GNAZ: variants seen among roughly 807,000 people sequenced by gnomAD.
GNAZ encodes the protein G protein subunit alpha z.
A neutral mutation model predicts 25.4 loss-of-function variants in GNAZ; 3 were observed. That is an observed-to-expected ratio of 0.12 (90% CI 0.05 to 0.30). The LOEUF is 0.30. GNAZ is among the 10% of genes least tolerant of loss of function. GNAZ has a pLI of 1.00. For missense variants in GNAZ, 241 were observed against 501.8 expected, an observed-to-expected ratio of 0.48 and a Z score of 4.97; for synonymous variants, 211 against 205.7, an observed-to-expected ratio of 1.03 and a Z score of -0.22.
At chr22:23,115,831 T>C (rs1344762908) in intron 2 of GNAZ, among the ~76,000 whole-genome samples, 1 of 152,258 alleles carries the variant, frequency 6.6e-6, no homozygotes, top group Non-Finnish European at 1.5e-5. Context: ...CAGGAAATTC[T>C]GTTCAAGTTT....
rs371067217 is a variant in GNAZ at position 23,092,617 on chromosome 22, C to T, written c.-449-2630C>T. ...TCCTTGCACATTGCCCTGTCGTTGC[C>T]GGCGCACACTGATCGAAGACTGCAT... On this transcript the variant is annotated intron_variant, in intron 1 of 2. Transcript: ENST00000615612. Among the ~76,000 whole-genome samples, 10 of 152,286 alleles carry T rather than the reference C, an allele frequency of 6.6e-5. No individual in the cohort carries two copies. In the East Asian group the frequency reaches 1.2e-3, roughly 18 times the overall value.
rs187053543 is a variant in GNAZ, at chr22:23,112,699, C to T, written c.724-10388C>T. 2.0e-3 allele frequency among the ~76,000 whole-genome samples: 304 copies of T among 152,272 alleles called. 1 individual carries two copies. The highest frequency in any genetic ancestry group is 6.9e-3 in the African/African-American group (285 of 41,540). On this transcript the variant is annotated intron_variant, in intron 2 of 2. Transcript: ENST00000615612. The stretch of plus-strand genomic sequence containing the variant: ...GAATGGCAAGTGCTCAAGGTAAGCA[C>T]GATGCAGCTGCGACCTGTAGACTGG...
chr22:23,101,645 G>A (rs1247476972), intron 2 of GNAZ, among the ~76,000 whole-genome samples: 3 of 152,222 alleles, frequency 2.0e-5, no homozygotes, highest in Non-Finnish European at 4.4e-5. Context: ...GGTCTCCCAA[G>A]CAGTTCCTTC....
At chr22:23,093,489 A>C (rs981552166) in intron 1 of GNAZ, among the ~76,000 whole-genome samples, 1 of 152,188 alleles carries the variant, frequency 6.6e-6, no homozygotes, top group Non-Finnish European at 1.5e-5. Flanking sequence ...GGCAGCACAC[A>C]AGGTCATGTA....
intron 2 of GNAZ, among the ~76,000 whole-genome samples, chr22:23,103,485 C>T (rs901318744): frequency 6.6e-6 from 1 of 152,028 alleles, no homozygotes; most frequent in Non-Finnish European, 1.5e-5. Context: ...CAGTGACTCC[C>T]AGCTCTGACC....
chr22:23,122,778 G>A (rs77264287), intron 2 of GNAZ: 5 of 405,754 alleles, frequency 1.2e-5, no homozygotes, highest in South Asian at 4.2e-5. Flanking sequence ...GGTTTAGGAG[G>A]CTGTGCTTGG....
intron 2 of GNAZ, chr22:23,122,377 C>T (rs2070056066): frequency 6.5e-6 from 1 of 152,930 alleles, no homozygotes; most frequent in African/African-American, 2.4e-5. Context: ...AGAGCTCTGT[C>T]CAGGATGCCA....
chr22:23,117,243 T>TTA (rs1569184932), intron 2 of GNAZ, among the ~76,000 whole-genome samples: 1 of 151,752 alleles, frequency 6.6e-6, no homozygotes. Flanking sequence ...TGATGGGGAA[T>TTA]GAGAGGGGCT....
intron 2 of GNAZ, chr22:23,122,536 A>C (rs2070060174): frequency 6.5e-6 from 1 of 153,430 alleles, no homozygotes; most frequent in Non-Finnish European, 1.5e-5. Flanking sequence ...ACAGAAGTGA[A>C]GGCTGCTCCC....
intron 2 of GNAZ, among the ~76,000 whole-genome samples, chr22:23,099,673 C>T (rs2069237979): frequency 6.6e-6 from 1 of 152,266 alleles, no homozygotes; most frequent in African/African-American, 2.4e-5. Context: ...GGGCCTCCCA[C>T]TTAGCCAGAG....
rs982089269 is a variant in GNAZ, at chr22:23,071,247, T to A, written c.-450+677T>A. On this transcript the variant is annotated intron_variant, in intron 1 of 2. Coordinates refer to ENST00000615612, the MANE Select transcript of GNAZ (RefSeq NM_002073.4). This position sits in a 1 kb window ranked among gnomAD's most constrained non-coding sequence, Gnocchi z 4.1. ...GGGAGGGGAGTGAGGGCCTCAGGGC[T>A]GGCGCTCCGTATCCTGCGGGCGATC... Among the ~76,000 whole-genome samples, 6 of 152,138 alleles carry A rather than the reference T, an allele frequency of 3.9e-5. No individual in the cohort carries two copies. The highest frequency in any genetic ancestry group is 7.4e-5 in the Non-Finnish European group (5 of 68,008).
intron 1 of GNAZ, among the ~76,000 whole-genome samples, chr22:23,093,430 G>A (rs1265369453): frequency 6.6e-6 from 1 of 152,222 alleles, no homozygotes; most frequent in Non-Finnish European, 1.5e-5. Context: ...GGGGAACGAG[G>A]CCAGGACGGG....
intron 2 of GNAZ, among the ~76,000 whole-genome samples, chr22:23,102,023 G>A (rs1242291064): frequency 6.6e-6 from 1 of 152,226 alleles, no homozygotes; most frequent in Non-Finnish European, 1.5e-5. Flanking sequence ...AGCCTCAAGA[G>A]GGCTGGGCAC....
chr22:23,099,080 C>T (rs2069214493), intron 2 of GNAZ, among the ~76,000 whole-genome samples: 1 of 152,250 alleles, frequency 6.6e-6, no homozygotes, highest in African/African-American at 2.4e-5. Flanking sequence ...GCTCAGCTTC[C>T]AAGGCCTCAT....
chr22:23,080,578 G>A (rs7287068), intron 1 of GNAZ, among the ~76,000 whole-genome samples: 6,708 of 152,302 alleles, frequency 0.044, 523 homozygotes, highest in African/African-American at 0.15. Flanking sequence ...GACCCGTTGC[G>A]GATCTGCAGG....
chr22:23,110,611 A>C (rs2069617189), intron 2 of GNAZ, among the ~76,000 whole-genome samples: 1 of 152,228 alleles, frequency 6.6e-6, no homozygotes, highest in African/African-American at 2.4e-5. Context: ...TTGGCCAACC[A>C]GGCTGTGTGC....
At chr22:23,083,163 G>A (rs770535671) in intron 1 of GNAZ, among the ~76,000 whole-genome samples, 5 of 152,234 alleles carry the variant, frequency 3.3e-5, no homozygotes, top group East Asian at 3.9e-4. Flanking sequence ...CCTGCAGCTC[G>A]GAGAGGGGCA....
At chr22:23,076,640 C>T (rs116456469) in intron 1 of GNAZ, among the ~76,000 whole-genome samples, 256 of 152,348 alleles carry the variant, frequency 1.7e-3, no homozygotes, top group African/African-American at 5.7e-3. Context: ...CGCCGGGCCA[C>T]TCAGTGATGC....
chr22:23,073,431 G>T (rs1233398060), intron 1 of GNAZ, among the ~76,000 whole-genome samples: 1 of 152,214 alleles, frequency 6.6e-6, no homozygotes, highest in South Asian at 2.1e-4. Flanking sequence ...GTGGCTCCGG[G>T]GTGGTGAGGT....
Sources: allele counts gnomAD v4.1 joint callset (sites outside exome capture counted in the v4.1 genomes callset), GRCh38; gene constraint gnomAD v4.1.1; non-coding constraint Gnocchi (gnomAD v3.1); transcripts MANE v1.5; gene names NCBI Gene and HGNC (gene_info 2026-07-23, HGNC 2026-07-21).